Variants in SFXN2 observed in about 807,000 individuals in gnomAD.
SFXN2 encodes the protein sideroflexin-2.
In SFXN2, 37 loss-of-function variants were observed where a neutral mutation model predicts 41.9. The ratio of observed to expected loss-of-function variants is 0.88; its 90% CI spans 0.68 to 1.16. SFXN2 has a LOEUF of 1.16. Ranked by LOEUF, SFXN2 falls within the 50% of genes most tolerant of loss-of-function variation. SFXN2 has a pLI of 0.00. For synonymous variants in SFXN2, 150 were observed against 156.7 expected (o/e 0.96, Z 0.32); for missense variants, 386 against 425.2 (o/e 0.91, Z 0.81).
At chr10:102,719,784 A>G (rs191284466) in intron 1 of SFXN2, among the ~76,000 whole-genome samples, 2 of 152,308 alleles carry the variant, frequency 1.3e-5, no homozygotes, top group East Asian at 1.9e-4. Flanking sequence ...ATACCACCTC[A>G]CTTCACAGGT....
At chr10:102,730,268 G>A (rs961222350) in intron 6 of SFXN2, among the ~76,000 whole-genome samples, 3 of 152,158 alleles carry the variant, frequency 2.0e-5, no homozygotes, top group Non-Finnish European at 4.4e-5. Flanking sequence ...AAGCTTTTCA[G>A]GAGAAAAGGT....
In SFXN2 at chr10:102,733,607, A is replaced by T. The variant is rs202023261; in HGVS notation, c.821+4A>T. On this transcript the variant is annotated splice_donor_region_variant and intron_variant, in intron 10 of 11. Transcript: ENST00000369893. The stretch of plus-strand genomic sequence containing the variant: ...AGGTCATGCTGAGCGGGTGCTTGTA[A>T]GTATCATATTTTGATGATTTGGGTT... 25 of 1,613,686 alleles carry T rather than the reference A, an allele frequency of 1.5e-5. No individual in the cohort carries two copies. In the East Asian group the frequency reaches 5.6e-4, roughly 36 times the overall value.
chr10:102,737,877 A>T lies in SFXN2; in HGVS notation c.*115A>T, dbSNP rs2064802639. On this transcript the variant is annotated 3_prime_UTR_variant, in exon 12 of 12. Coordinates refer to ENST00000369893, the MANE Select transcript of SFXN2 (RefSeq NM_178858.6). ...CAACAAGGCCTGAAGGCCAGGGTAG[A>T]TTGGGGGGTGGGACAATGAATGCCT... 1.5e-6 allele frequency: 1 copy of T among 672,642 alleles called. No individual in the cohort carries two copies. The highest frequency in any genetic ancestry group is 2.8e-5 in the East Asian group (1 of 35,990). The allele number at this position is 672,642 out of a possible 1,614,324, so 41.7% of individuals were successfully genotyped here.
At chr10:102,727,275 T>C (rs925902497) in intron 3 of SFXN2, 118 bp downstream of exon 3, 29 of 1,097,748 alleles carry the variant, frequency 2.6e-5, no homozygotes, top group Middle Eastern at 3.0e-4. Context: ...TACCAGGCAC[T>C]ATGCTACATT....
At chr10:102,728,372 C>T (rs573100188) in intron 3 of SFXN2, 59 bp from the exon 4 acceptor site, 1 of 1,355,958 alleles carries the variant, frequency 7.4e-7, no homozygotes, top group Admixed American at 1.7e-5. Context: ...ACTGGCATAC[C>T]CTCAGGACTC....
At chr10:102,726,835 A>G (rs563440224) in intron 2 of SFXN2, 38 bp downstream of exon 2, 4 of 1,610,908 alleles carry the variant, frequency 2.5e-6, no homozygotes, top group African/African-American at 2.7e-5. Context: ...TAGTAGGGTA[A>G]CATTGATGGG....
rs950135897 is a variant in SFXN2 at position 102,737,828 on chromosome 10, A to T, written c.*66A>T. On this transcript the variant is annotated 3_prime_UTR_variant, in exon 12 of 12. Transcript: ENST00000369893. Reference sequence around the variant, plus strand: ...CCAGCTCCTCCTTAGCTACGTGCACACTTGTGTCCTCCTTCCCCTTTGCCA... The same window carrying T: ...CCAGCTCCTCCTTAGCTACGTGCACTCTTGTGTCCTCCTTCCCCTTTGCCA... The T allele has an allele frequency of 1.7e-5, 19 of 1,144,718 alleles. No homozygotes were observed. Among genetic ancestry groups the T allele is most frequent in the Non-Finnish European group, 2.2e-5 (17 of 773,002 alleles). The allele number at this position is 1,144,718 out of a possible 1,614,324, so 70.9% of individuals were successfully genotyped here. A position where few individuals can be genotyped will look rare whatever the true frequency, so the allele number is the denominator to read the frequency against.
intron 6 of SFXN2, among the ~76,000 whole-genome samples, chr10:102,730,503 CTT>C (rs1297429086): frequency 6.6e-6 from 1 of 152,240 alleles, no homozygotes; most frequent in African/African-American, 2.4e-5. Flanking sequence ...TCACACTAGT[CTT>C]TGTAGAGGAA....
intron 3 of SFXN2, among the ~76,000 whole-genome samples, chr10:102,728,191 T>C (rs1429280048): frequency 6.6e-6 from 1 of 151,996 alleles, no homozygotes; most frequent in African/African-American, 2.4e-5. Flanking sequence ...CCCAGCCACT[T>C]GGGAGGCTGA....
intron 1 of SFXN2, among the ~76,000 whole-genome samples, chr10:102,720,390 C>A (rs148878057): frequency 0.015 from 2,244 of 151,466 alleles, 57 homozygotes; most frequent in African/African-American, 0.052. Context: ...CAGGTAGATC[C>A]CTTGAGCTCA....
intron 1 of SFXN2, among the ~76,000 whole-genome samples, chr10:102,724,479 G>A (rs977928240): frequency 7.2e-5 from 11 of 152,116 alleles, no homozygotes; most frequent in African/African-American, 1.9e-4. Flanking sequence ...CGAGGTGGGC[G>A]GATCACGAGG....
Position 102,727,122 on chromosome 10 carries a change from C to A in SFXN2, c.297C>A (p.Gly99=). The part of the protein sequence containing the change: ...IGRMSFQLPG[G]MIITGFMLQF... ...GCATGTCTTTCCAGCTTCCTGGCGG[C>A]ATGATCATCACGGGCTTCATGCTCC... Residue 99 remains glycine, a synonymous_variant, in exon 3 of 12, where the codon GGC becomes GGA. Transcript: ENST00000369893. The A allele has an allele frequency of 6.2e-7, 1 of 1,607,084 alleles. No homozygotes were observed. The highest frequency in any genetic ancestry group is 8.5e-7 in the Non-Finnish European group (1 of 1,174,062).
At chr10:102,727,826 T>G (rs940665564) in intron 3 of SFXN2, 2 of 154,174 alleles carry the variant, frequency 1.3e-5, no homozygotes, top group Non-Finnish European at 2.9e-5. Flanking sequence ...CATGGGGTTG[T>G]GGGAGCAGGA....
At chr10:102,715,663 C>T (rs187331705) in intron 1 of SFXN2, among the ~76,000 whole-genome samples, 15 of 152,134 alleles carry the variant, frequency 9.9e-5, no homozygotes, top group Non-Finnish European at 2.2e-4. Context: ...TTGGTAATTG[C>T]GGCCAGGCGC....
rs753621914 is a variant in SFXN2, at chr10:102,737,736, T to G, written c.943T>G (p.Tyr315Asp). ...GGCCAAGTATGGAGAACTTGAGCCTTATGTCTACTTCAATAAGGGTCTCTA... is the reference window on the plus strand; with the variant it reads ...GGCCAAGTATGGAGAACTTGAGCCTGATGTCTACTTCAATAAGGGTCTCTA... ...IKAKYGELEP[Y>D]VYFNKGL The change falls in exon 12 of 12, where the codon TAT becomes GAT. Residue 315 changes from tyrosine (Y) to aspartate (D), a missense_variant. Transcript: ENST00000369893. 3 of 1,612,558 alleles carry G rather than the reference T, an allele frequency of 1.9e-6. No individual in the cohort carries two copies. The highest frequency in any genetic ancestry group is 2.5e-6 in the Non-Finnish European group (3 of 1,178,906).
intron 1 of SFXN2, among the ~76,000 whole-genome samples, chr10:102,715,592 AT>A (rs1418365114): frequency 6.6e-6 from 1 of 152,178 alleles, no homozygotes; most frequent in Non-Finnish European, 1.5e-5. Flanking sequence ...CCGTATGGAA[AT>A]TACATCCTTC....
chr10:102,726,015 T>A (rs913880884), intron 1 of SFXN2, among the ~76,000 whole-genome samples: 1 of 152,176 alleles, frequency 6.6e-6, no homozygotes, highest in African/African-American at 2.4e-5. Flanking sequence ...AGTGGTGTGA[T>A]CTCAGCTCAC....
At chr10:102,725,168 T>C (rs548942766) in intron 1 of SFXN2, among the ~76,000 whole-genome samples, 1 of 152,314 alleles carries the variant, frequency 6.6e-6, no homozygotes, top group African/African-American at 2.4e-5. Flanking sequence ...ATCCTTGTAA[T>C]GATACAGGAG....
At chr10:102,737,570 A>T (rs1006549782) in intron 11 of SFXN2, 93 bp from the exon 12 acceptor site, 4 of 809,010 alleles carry the variant, frequency 4.9e-6, no homozygotes, top group African/African-American at 3.4e-5. Flanking sequence ...TAGATGGAAA[A>T]ATCAGGAGGG....
Sources: gnomAD v4.1 joint callset for allele counts (sites outside exome capture counted in the v4.1 genomes callset) on GRCh38, gnomAD v4.1.1 for gene constraint, MANE v1.5 for transcripts, NCBI Gene and HGNC (gene_info 2026-07-23, HGNC 2026-07-21) for gene names.